Variants in PKNOX2 observed in about 807,000 individuals in gnomAD.
PKNOX2 encodes the protein PBX/knotted 1 homeobox 2.
A neutral mutation model predicts 53.1 loss-of-function variants in PKNOX2; 14 were observed. The observed-to-expected ratio is 0.26, with a 90% CI of 0.17 to 0.41. The LOEUF (loss-of-function observed/expected upper bound fraction) is 0.41. Ranked by LOEUF, PKNOX2 falls within the 10% of genes least tolerant of loss-of-function variation. The pLI is 1.00. For missense variants in PKNOX2, 496 were observed against 602.8 expected, an observed-to-expected ratio of 0.82 and a Z score of 1.85; for synonymous variants, 257 against 242.8, an observed-to-expected ratio of 1.06 and a Z score of -0.54.
intron 2 of PKNOX2, among the ~76,000 whole-genome samples, chr11:125,326,486 A>G (rs1166646024): frequency 6.6e-6 from 1 of 152,232 alleles, no homozygotes; most frequent in East Asian, 1.9e-4. Context: ...ATGGAAGCTA[A>G]GAAATATCAA....
chr11:125,380,415 A>C (rs1953140045), intron 5 of PKNOX2, among the ~76,000 whole-genome samples: 1 of 146,228 alleles, frequency 6.8e-6, no homozygotes, highest in Non-Finnish European at 1.5e-5. Flanking sequence ...GGCGGTCGGG[A>C]GGGAGGCGAC....
At position 125,402,455 on chromosome 11, in the gene PKNOX2, G is replaced by T. The variant is rs78134051; in HGVS notation, c.588+4393G>T. Among the ~76,000 whole-genome samples, 559 of 152,244 alleles carry T rather than the reference G, an allele frequency of 3.7e-3. 4 individuals carry two copies. Among genetic ancestry groups the T allele is most frequent in the African/African-American group, 0.013 (526 of 41,544 alleles). On this transcript the variant is annotated intron_variant, in intron 7 of 12. Coordinates refer to ENST00000298282, the MANE Select transcript of PKNOX2 (RefSeq NM_001382323.2). ...CTGAAATTCATCCTTTTTTCTCTGT[G>T]GAGATTTAAGCCTCAGCTCTATTCC... is the stretch of plus-strand genomic sequence containing the variant.
intron 4 of PKNOX2, among the ~76,000 whole-genome samples, chr11:125,356,036 C>G (rs540432495): frequency 2.7e-5 from 4 of 148,402 alleles, no homozygotes; most frequent in Admixed American, 1.3e-4. Context: ...AGCACCCCCC[C>G]CCCCACAACT....
intron 1 of PKNOX2, among the ~76,000 whole-genome samples, chr11:125,234,023 C>A (rs1942459284): frequency 6.6e-6 from 1 of 152,208 alleles, no homozygotes; most frequent in South Asian, 2.1e-4. Flanking sequence ...TGCGTCATCC[C>A]AGGACCCTCC....
chr11:125,342,631 G>T (rs968418598), intron 3 of PKNOX2, among the ~76,000 whole-genome samples: 1 of 152,220 alleles, frequency 6.6e-6, no homozygotes, highest in South Asian at 2.1e-4. Flanking sequence ...CTCAGTGCCT[G>T]AGCGGCTGCT....
At chr11:125,354,819 G>A (rs572468166) in intron 4 of PKNOX2, among the ~76,000 whole-genome samples, 23 of 152,140 alleles carry the variant, frequency 1.5e-4, no homozygotes, top group Non-Finnish European at 2.9e-4. Context: ...TTATGGCCTC[G>A]TGCTATTTGG....
chr11:125,383,467 A>AAG (rs201052187), intron 5 of PKNOX2, among the ~76,000 whole-genome samples: 26 of 145,732 alleles, frequency 1.8e-4, no homozygotes, highest in African/African-American at 6.0e-4. Context: ...AAAAAAAAAA[A>AAG]TTAGTCAGGC....
intron 4 of PKNOX2, among the ~76,000 whole-genome samples, chr11:125,357,291 T>C (rs983563797): frequency 6.6e-6 from 1 of 152,132 alleles, no homozygotes; most frequent in Non-Finnish European, 1.5e-5. Context: ...CCTGGACTCT[T>C]CATTGTGTAA....
rs1249261882 is a variant in PKNOX2 at position 125,426,719 on chromosome 11, TGTCTGCACACTGTGCCTG to T, written c.937-2280_937-2263del. On this transcript the variant is annotated intron_variant, in intron 10 of 12. Transcript: ENST00000298282. ...ATCCTTCAACGTTGGCCTCTTTGCC[TGTCTGCACACTGTGCCTG>T]GTCTGCACACTGGAAATAAACAATG... 3.9e-5 allele frequency among the ~76,000 whole-genome samples: 6 copies of T among 152,332 alleles called. No homozygotes were observed. The East Asian group carries it at 9.7e-4, about 25-fold the overall frequency.
chr11:125,330,259 T>TGAG (rs1363637011), intron 2 of PKNOX2: 1 of 152,382 alleles, frequency 6.6e-6, no homozygotes, highest in Admixed American at 6.5e-5. Flanking sequence ...GAATCACGCA[T>TGAG]ATCTCCCAGG....
chr11:125,314,298 C>A (rs1184343609), intron 2 of PKNOX2, among the ~76,000 whole-genome samples: 1 of 152,128 alleles, frequency 6.6e-6, no homozygotes, highest in Non-Finnish European at 1.5e-5. Context: ...TGCGACATCA[C>A]TTGCTCGCAA....
Position 125,397,768 on chromosome 11 carries a change from G to T in PKNOX2, c.400-106G>T, listed in dbSNP as rs1012820489. On this transcript the variant is annotated intron_variant, in intron 6 of 12. Transcript: ENST00000298282. ...ATCAAGTGTAGGAAGCATGAGCTAC[G>T]GCAGGGGGTGGGCTCCCCTCCCCTG... 1.5e-5 allele frequency: 18 copies of T among 1,166,238 alleles called. No individual in the cohort carries two copies. In the South Asian group the frequency reaches 2.7e-4, roughly 17 times the overall value. 72.2% of individuals were successfully genotyped at this position (1,166,238 alleles called of 1,614,324 possible). A position where few individuals can be genotyped will look rare whatever the true frequency, so the allele number is the denominator to read the frequency against.
At position 125,253,803 on chromosome 11, in the gene PKNOX2, C is replaced by T. The variant is rs1381640793; in HGVS notation, c.-130+18688C>T. 3.9e-5 allele frequency among the ~76,000 whole-genome samples: 6 copies of T among 152,104 alleles called. No homozygotes were observed. The East Asian group carries it at 1.2e-3, about 29-fold the overall frequency. Reference sequence around the variant, plus strand: ...CCCTGGAGGTCGGAGTCAAAGAGGACCCCCTGGTTCCCTTCATCGCAGGAG... The same window carrying T: ...CCCTGGAGGTCGGAGTCAAAGAGGATCCCCTGGTTCCCTTCATCGCAGGAG... On this transcript the variant is annotated intron_variant, in intron 2 of 12. Transcript: ENST00000298282.
chr11:125,272,239 AG>A (rs1187915751), intron 2 of PKNOX2, among the ~76,000 whole-genome samples: 9 of 152,152 alleles, frequency 5.9e-5, no homozygotes, highest in Non-Finnish European at 4.4e-5. Flanking sequence ...TTTTTCCATA[AG>A]TCTGTCTCAG....
intron 1 of PKNOX2, among the ~76,000 whole-genome samples, chr11:125,222,998 C>T (rs1219676642): frequency 6.6e-6 from 1 of 152,144 alleles, no homozygotes. Context: ...CTGGAACCAC[C>T]AAGAAGGATT....
intron 2 of PKNOX2, among the ~76,000 whole-genome samples, chr11:125,275,540 G>C (rs890078099): frequency 2.6e-5 from 4 of 152,170 alleles, no homozygotes; most frequent in African/African-American, 7.2e-5. Flanking sequence ...AGTAAAGGGG[G>C]CTGGTGGAGG....
rs561807763 is a variant in PKNOX2, at chr11:125,300,728, G to A, written c.-129-31091G>A. ...TGAAAATACCTGCTTCTGAAACTAC[G>A]TACTGTTTATCCCAATAAACTCTCC... On this transcript the variant is annotated intron_variant, in intron 2 of 12. Transcript: ENST00000298282. 3.9e-5 allele frequency among the ~76,000 whole-genome samples: 6 copies of A among 152,192 alleles called. 1 individual carries two copies. The highest frequency in any genetic ancestry group is 4.2e-4 in the South Asian group (2 of 4,814).
chr11:125,259,577 C>T (rs1316480428), intron 2 of PKNOX2, among the ~76,000 whole-genome samples: 1 of 152,186 alleles, frequency 6.6e-6, no homozygotes, highest in Non-Finnish European at 1.5e-5. Flanking sequence ...TATCCCTGCT[C>T]CCCACATGAG....
intron 2 of PKNOX2, among the ~76,000 whole-genome samples, chr11:125,254,851 A>G (rs1374733353): frequency 6.6e-6 from 1 of 152,168 alleles, no homozygotes; most frequent in African/African-American, 2.4e-5. Flanking sequence ...GAAACAGCAG[A>G]TGGGGATGGC....
Sources: allele counts gnomAD v4.1 joint callset (sites outside exome capture counted in the v4.1 genomes callset), GRCh38; gene constraint gnomAD v4.1.1; transcripts MANE v1.5; gene names NCBI Gene and HGNC (gene_info 2026-07-23, HGNC 2026-07-21).